The following SLC25A18 variants were observed in gnomAD, a reference collection of about 807,000 sequenced individuals.
The protein encoded by SLC25A18 is solute carrier family 25 member 18, also known as mitochondrial glutamate carrier 2.
SLC25A18 carries 24 observed loss-of-function variants against 31.1 expected under a neutral mutation model. The observed-to-expected ratio is 0.77, with a 90% CI of 0.56 to 1.08. The LOEUF (loss-of-function observed/expected upper bound fraction) is 1.08, where lower values mean the gene tolerates loss of function less well. Ranked by LOEUF, SLC25A18 falls within the 50% of genes least tolerant of loss-of-function variation. SLC25A18 has a pLI of 0.00. For missense variants in SLC25A18, 371 were observed against 418.5 expected (o/e 0.89, Z 0.99); for synonymous variants, 173 against 161.9 (o/e 1.07, Z -0.52).
chr22:17,585,650 ATTT>A (rs143835144), intron 7 of SLC25A18, among the ~76,000 whole-genome samples: 21 of 137,206 alleles, frequency 1.5e-4, no homozygotes, highest in South Asian at 8.7e-4. Flanking sequence ...TATTATTATT[ATTT>A]TTTTTTTTTT....
At chr22:17,585,949 G>A (rs991087673) in intron 7 of SLC25A18, among the ~76,000 whole-genome samples, 1 of 151,904 alleles carries the variant, frequency 6.6e-6, no homozygotes, top group Non-Finnish European at 1.5e-5. Context: ...CACCGTGCCC[G>A]GCCACCTCAC....
chr22:17,578,774 C>G (rs1462358306), intron 2 of SLC25A18, among the ~76,000 whole-genome samples: 3 of 152,172 alleles, frequency 2.0e-5, no homozygotes, highest in Non-Finnish European at 4.4e-5. Context: ...GTGGCACATG[C>G]CTGTAATCCT....
chr22:17,581,232 C>A, intron 4 of SLC25A18, 73 bp downstream of exon 4: 2 of 1,571,254 alleles, frequency 1.3e-6, no homozygotes, highest in Non-Finnish European at 1.7e-6. Context: ...CCTCCAGTCT[C>A]CAGGCAGCGC....
rs2057661095 is a variant in SLC25A18 at position 17,589,637 on chromosome 22, A to T, written c.778A>T (p.Met260Leu). Residue 260 changes from methionine (M) to leucine (L), a missense_variant, in exon 10 of 11, where the codon ATG becomes TTG. Physicochemically the swap from Met to Leu is conservative, Grantham distance 15. Transcript: ENST00000327451. Reference protein sequence around the residue: ...QTLKKGLGEDMYSGITDCARK... With the variant: ...QTLKKGLGEDLYSGITDCARK... Reference sequence around the variant, plus strand: ...CCTCAAGAAAGGCCTGGGCGAGGACATGTACAGTGGGATCACCGACTGTGC... The same window carrying T: ...CCTCAAGAAAGGCCTGGGCGAGGACTTGTACAGTGGGATCACCGACTGTGC... 1 of 1,614,012 alleles carries T rather than the reference A, an allele frequency of 6.2e-7. No homozygotes were observed. The highest frequency in any genetic ancestry group is 1.3e-5 in the African/African-American group (1 of 74,916).
intron 1 of SLC25A18, 134 bp downstream of exon 1, chr22:17,563,847 C>G: frequency 2.3e-6 from 1 of 440,662 alleles, no homozygotes; most frequent in Non-Finnish European, 3.0e-6. Context: ...TACAGAAAAA[C>G]TGGACTCTAG....
At chr22:17,573,071 C>T (rs946351852) in intron 2 of SLC25A18, among the ~76,000 whole-genome samples, 3 of 152,122 alleles carry the variant, frequency 2.0e-5, no homozygotes, top group African/African-American at 7.2e-5. Context: ...CAAGATCACG[C>T]CACTGCACTC....
intron 2 of SLC25A18, among the ~76,000 whole-genome samples, chr22:17,578,720 C>T (rs578229028): frequency 1.2e-4 from 18 of 152,184 alleles, no homozygotes; most frequent in Non-Finnish European, 1.8e-4. Flanking sequence ...CACCTGAGGT[C>T]GGAAAAAATA....
intron 3 of SLC25A18, chr22:17,580,517 G>A: frequency 1.0e-6 from 1 of 988,730 alleles, no homozygotes; most frequent in South Asian, 4.7e-5. Context: ...ACTGTGGGAA[G>A]TGCCTGCTCT....
At chr22:17,582,505 C>G (rs1297296443) in intron 5 of SLC25A18, 58 bp from the exon 6 acceptor site, 1 of 1,456,586 alleles carries the variant, frequency 6.9e-7, no homozygotes, top group Non-Finnish European at 9.4e-7. Context: ...AAGGGCAGAC[C>G]TGGGGCACTG....
intron 7 of SLC25A18, among the ~76,000 whole-genome samples, chr22:17,586,666 C>T (rs1355955871): frequency 6.6e-6 from 1 of 152,206 alleles, no homozygotes; most frequent in East Asian, 1.9e-4. Context: ...ATAACCCCAG[C>T]TACTAGGGAG....
intron 1 of SLC25A18, 48 bp downstream of exon 1, chr22:17,563,761 T>A: frequency 1.0e-6 from 1 of 980,004 alleles, no homozygotes; most frequent in Non-Finnish European, 1.2e-6. Context: ...TTTGCCTAGT[T>A]ACTAAGAAAC....
At chr22:17,586,928 G>A (rs1471705843) in intron 7 of SLC25A18, among the ~76,000 whole-genome samples, 1 of 152,140 alleles carries the variant, frequency 6.6e-6, no homozygotes, top group African/African-American at 2.4e-5. Context: ...TCAGCATTGG[G>A]ATAGCTCCTG....
chr22:17,582,757 T>C, intron 6 of SLC25A18, 104 bp downstream of exon 6: 1 of 961,876 alleles, frequency 1.0e-6, no homozygotes, highest in Non-Finnish European at 1.6e-6. Context: ...CCTGCATGCA[T>C]ATAAATATGT....
intron 1 of SLC25A18, 39 bp from the exon 2 acceptor site, chr22:17,569,885 T>A: frequency 1.0e-6 from 1 of 985,378 alleles, no homozygotes; most frequent in South Asian, 4.7e-5. Context: ...GGAAAACCAG[T>A]CCAAGCTGGC....
chr22:17,572,647 T>TC (rs2057124292), intron 2 of SLC25A18, among the ~76,000 whole-genome samples: 1 of 139,848 alleles, frequency 7.2e-6, no homozygotes, highest in African/African-American at 2.7e-5. Context: ...ATTTTTTTTT[T>TC]TTTTTTTTTT....
intron 2 of SLC25A18, among the ~76,000 whole-genome samples, chr22:17,577,178 A>G (rs924651008): frequency 1.3e-5 from 2 of 151,994 alleles, no homozygotes; most frequent in Non-Finnish European, 2.9e-5. Flanking sequence ...GCCCACCACC[A>G]CACCCGGCCA....
intron 10 of SLC25A18, 69 bp downstream of exon 10, chr22:17,589,734 G>T (rs1046214894): frequency 6.9e-7 from 1 of 1,440,128 alleles, no homozygotes; most frequent in Admixed American, 1.8e-5. Flanking sequence ...GCCTAGACCA[G>T]ATTTAGAGAC....
At chr22:17,567,367 G>A (rs1367372140) in intron 1 of SLC25A18, among the ~76,000 whole-genome samples, 2 of 152,080 alleles carry the variant, frequency 1.3e-5, no homozygotes, top group Non-Finnish European at 2.9e-5. Context: ...CTATTTTCAA[G>A]TCCACTCTAC....
rs9618049 is a variant in SLC25A18 at position 17,570,130 on chromosome 22, G to A, written c.-201+144G>A. ...TGTTGGATAGAGTCAGAAGGGGTGG[G>A]CACGAGGAAGTGGCCGCCCCTGACC... On this transcript the variant is annotated intron_variant, in intron 2 of 10. Coordinates refer to ENST00000327451, the MANE Select transcript of SLC25A18 (RefSeq NM_031481.3). 2.1e-3 allele frequency: 1,029 copies of A among 489,122 alleles called. 8 individuals carry two copies. Among genetic ancestry groups the A allele is most frequent in the African/African-American group, 0.02 (951 of 47,804 alleles). 30.3% of individuals were successfully genotyped at this position (489,122 alleles called of 1,614,324 possible).
Sources: gnomAD v4.1 joint callset for allele counts (sites outside exome capture counted in the v4.1 genomes callset) on GRCh38, gnomAD v4.1.1 for gene constraint, MANE v1.5 for transcripts, NCBI Gene and HGNC (gene_info 2026-07-23, HGNC 2026-07-21) for gene names.